DHX29: variants seen among roughly 807,000 people sequenced by gnomAD.
The protein encoded by DHX29 is DExH-box helicase 29.
In DHX29, 79 loss-of-function variants were observed where a neutral mutation model predicts 167.9. The ratio of observed to expected loss-of-function variants is 0.47; its 90% CI spans 0.39 to 0.57. The LOEUF (loss-of-function observed/expected upper bound fraction) is 0.57, where lower values mean the gene tolerates loss of function less well. DHX29 is among the 20% of genes least tolerant of loss of function. The probability of loss-of-function intolerance (pLI) is 0.00; values close to 1 mark genes in which losing one functional copy is unlikely to be tolerated. For synonymous variants in DHX29, 530 were observed against 546.0 expected (o/e 0.97, Z 0.41); for missense variants, 1,347 against 1,593.4 (o/e 0.85, Z 2.63).
chr5:55,290,362 A>G lies in DHX29; in HGVS notation c.781-18T>C. The G allele has an allele frequency of 6.4e-7, 1 of 1,566,050 alleles. No homozygotes were observed. The highest frequency in any genetic ancestry group is 8.6e-7 in the Non-Finnish European group (1 of 1,163,610). The stretch of plus-strand genomic sequence containing the variant: ...CTTTCATTCTGTTCCAAATAAAACA[A>G]TGAGGAGGGGGAAAAAAAAAGAAGA... On this transcript the variant is annotated intron_variant, in intron 6 of 26. Coordinates refer to ENST00000251636, the MANE Select transcript of DHX29 (RefSeq NM_019030.4).
chr5:55,303,776 A>G lies in DHX29; in HGVS notation c.187+3611T>C, dbSNP rs578086210. On this transcript the variant is annotated intron_variant, in intron 1 of 26. Coordinates refer to ENST00000251636, the MANE Select transcript of DHX29 (RefSeq NM_019030.4). ...GATCATCTCAGTTTAAATGTTTTCTAAGGGAAGCTATTCCTATTTCAAACC... is the reference window on the plus strand; with the variant it reads ...GATCATCTCAGTTTAAATGTTTTCTGAGGGAAGCTATTCCTATTTCAAACC... Among the ~76,000 whole-genome samples, 18 of 152,266 alleles carry G rather than the reference A, an allele frequency of 1.2e-4. No homozygotes were observed. In the East Asian group the frequency reaches 1.5e-3, roughly 13 times the overall value.
chr5:55,259,801 C>T, intron 26 of DHX29, 47 bp downstream of exon 26: 4 of 1,051,658 alleles, frequency 3.8e-6, no homozygotes, highest in Non-Finnish European at 5.9e-6. Context: ...TATGTGTACA[C>T]ATACACATAT....
chr5:55,275,783 C>G (rs200409416), intron 14 of DHX29, among the ~76,000 whole-genome samples: 67 of 147,058 alleles, frequency 4.6e-4, no homozygotes, highest in African/African-American at 1.5e-3. Flanking sequence ...GTGTGTGTGT[C>G]TGTCTGTCTA....
chr5:55,295,690 C>A (rs1048889166), intron 4 of DHX29, among the ~76,000 whole-genome samples, 166 bp from the exon 5 acceptor site: 1 of 152,160 alleles, frequency 6.6e-6, no homozygotes, highest in Admixed American at 6.5e-5. Flanking sequence ...TGGTTTTATC[C>A]GTCAACCTAG....
At chr5:55,299,007 G>A (rs1320579952) in intron 1 of DHX29, among the ~76,000 whole-genome samples, 1 of 143,200 alleles carries the variant, frequency 7.0e-6, no homozygotes, top group East Asian at 2.0e-4. Flanking sequence ...TCCGCAGTCC[G>A]GCCTGGGCGA....
At chr5:55,296,538 G>A (rs1232605105) in intron 3 of DHX29, among the ~76,000 whole-genome samples, 189 bp from the exon 4 acceptor site, 4 of 152,052 alleles carry the variant, frequency 2.6e-5, no homozygotes, top group Non-Finnish European at 5.9e-5. Context: ...CTTTAAAAAA[G>A]AGAACCAGGA....
At chr5:55,295,249 G>A (rs553981751) in intron 5 of DHX29, 130 bp downstream of exon 5, 12 of 720,626 alleles carry the variant, frequency 1.7e-5, no homozygotes, top group South Asian at 1.4e-4. Flanking sequence ...TGATAGAAAA[G>A]TCTAGCAAAC....
chr5:55,293,263 C>G (rs1476169402), intron 6 of DHX29, among the ~76,000 whole-genome samples: 1 of 152,160 alleles, frequency 6.6e-6, no homozygotes, highest in African/African-American at 2.4e-5. Context: ...TCTTTGTGAA[C>G]AAATGTTTTA....
intron 12 of DHX29, 64 bp downstream of exon 12, chr5:55,281,308 G>A (rs549394958): frequency 3.6e-5 from 48 of 1,347,006 alleles, no homozygotes; most frequent in Middle Eastern, 2.0e-4. Context: ...CTAGTATTAG[G>A]AGTAACATCT....
intron 26 of DHX29, among the ~76,000 whole-genome samples, chr5:55,258,530 G>T (rs896115761): frequency 6.6e-6 from 1 of 152,320 alleles, no homozygotes; most frequent in South Asian, 2.1e-4. Context: ...CTGCCAGGAT[G>T]ATTTTGATGA....
chr5:55,307,095 A>G lies in DHX29; in HGVS notation c.187+292T>C, dbSNP rs111331592. On this transcript the variant is annotated intron_variant, in intron 1 of 26. Transcript: ENST00000251636. The stretch of plus-strand genomic sequence containing the variant: ...GCTAGCTGAGATGGTGCTCAGGATG[A>G]ATTCCTGCTGAAACAGGAGCTAATG... Among the ~76,000 whole-genome samples, 928 of 152,320 alleles carry G rather than the reference A, an allele frequency of 6.1e-3. 8 individuals are homozygous for G. Among genetic ancestry groups the G allele is most frequent in the African/African-American group, 0.022 (895 of 41,556 alleles).
chr5:55,259,923 T>G lies in DHX29; in HGVS notation c.3982A>C (p.Ile1328Leu). The G allele has an allele frequency of 6.2e-7, 1 of 1,611,906 alleles. No homozygotes were observed. Among genetic ancestry groups the G allele is most frequent in the Non-Finnish European group, 8.5e-7 (1 of 1,178,104 alleles). The change falls in exon 26 of 27, where the codon ATT (isoleucine) becomes CTT (leucine). Residue 1328 changes from isoleucine (I) to leucine (L), a missense_variant. Ile to Leu is a conservative substitution (Grantham distance 5, BLOSUM62 2). Coordinates refer to ENST00000251636, the MANE Select transcript of DHX29 (RefSeq NM_019030.4). The stretch of plus-strand genomic sequence containing the variant: ...ATGAGAACTCTCAGCTGCTTGAAAA[T>G]GACAGCTATCTTTACAGGGGCCTGT... Reference protein sequence around the residue: ...YFQAPVKIAVIFKQLRVLIDS... With the variant: ...YFQAPVKIAVLFKQLRVLIDS...
chr5:55,277,305 A>C, intron 12 of DHX29, 23 bp from the exon 13 acceptor site: 1 of 1,515,862 alleles, frequency 6.6e-7, no homozygotes, highest in Non-Finnish European at 9.0e-7. Context: ...AGGGAATAAA[A>C]AAGTTCATCA....
intron 4 of DHX29, among the ~76,000 whole-genome samples, 155 bp downstream of exon 4, chr5:55,296,065 A>T (rs1748303904): frequency 6.6e-6 from 1 of 152,220 alleles, no homozygotes; most frequent in South Asian, 2.1e-4. Flanking sequence ...ACAATCTCTA[A>T]GGAAAATATC....
At position 55,290,295 on chromosome 5, in the gene DHX29, T is replaced by C; in HGVS notation, c.830A>G (p.Gln277Arg). The C allele has an allele frequency of 6.2e-7, 1 of 1,612,504 alleles. No individual in the cohort carries two copies. Among genetic ancestry groups the C allele is most frequent in the Non-Finnish European group, 8.5e-7 (1 of 1,179,772 alleles). Residue 277 changes from glutamine to arginine, a missense_variant, in exon 7 of 27, where the codon CAA (glutamine) becomes CGA (arginine). Coordinates refer to ENST00000251636, the MANE Select transcript of DHX29 (RefSeq NM_019030.4). ...LAAKLLDAKE[Q>R]AATFKLEKNK... Reference sequence around the variant, plus strand: ...TTTTTCTAGTTTAAAGGTAGCTGCTTGTTCTTTTGCATCCAGCAGTTTTGC... The same window carrying C: ...TTTTTCTAGTTTAAAGGTAGCTGCTCGTTCTTTTGCATCCAGCAGTTTTGC...
chr5:55,295,601 G>A, intron 4 of DHX29, 77 bp from the exon 5 acceptor site: 1 of 1,481,428 alleles, frequency 6.8e-7, no homozygotes, highest in East Asian at 2.3e-5. Context: ...TTAAGCATTT[G>A]TAAACCTTGC....
intron 26 of DHX29, 72 bp from the exon 27 acceptor site, chr5:55,256,612 A>G: frequency 7.0e-7 from 1 of 1,434,026 alleles, no homozygotes; most frequent in Non-Finnish European, 9.4e-7. Flanking sequence ...TGCACATGTA[A>G]ATAAGAGGTA....
intron 17 of DHX29, 22 bp from the exon 18 acceptor site, chr5:55,272,197 A>G (rs757166299): frequency 7.0e-6 from 10 of 1,429,770 alleles, no homozygotes; most frequent in Non-Finnish European, 9.6e-6. Flanking sequence ...CAAAAAGCTT[A>G]AAACATTTAG....
chr5:55,270,320 T>A (rs1746788165), intron 20 of DHX29, 92 bp downstream of exon 20: 2 of 1,377,344 alleles, frequency 1.5e-6, no homozygotes, highest in African/African-American at 2.9e-5. Context: ...GTTGAAAATC[T>A]AAAGCAATAT....
Sources: allele counts gnomAD v4.1 joint callset (sites outside exome capture counted in the v4.1 genomes callset), GRCh38; gene constraint gnomAD v4.1.1; transcripts MANE v1.5; gene names NCBI Gene and HGNC (gene_info 2026-07-23, HGNC 2026-07-21).